The following ALG9 variants were observed in gnomAD, a reference collection of about 807,000 sequenced individuals.
The protein encoded by ALG9 is alpha-1,2-mannosyltransferase ALG9.
A neutral mutation model predicts 81.8 loss-of-function variants in ALG9; 55 were observed. The ratio of observed to expected loss-of-function variants is 0.67; its 90% CI spans 0.54 to 0.84. ALG9 has a LOEUF of 0.84. Among genes scored for constraint, ALG9 ranks in the 40% least tolerant of loss-of-function variants. The pLI is 0.00. For missense variants in ALG9, 629 were observed against 745.0 expected (o/e 0.84, Z 1.81); for synonymous variants, 278 against 274.3 (o/e 1.01, Z -0.13).
At chr11:111,828,500 C>T (rs10891294) in intron 13 of ALG9, among the ~76,000 whole-genome samples, 40,468 of 152,038 alleles carry the variant, frequency 0.27, 5,606 homozygotes, top group Admixed American at 0.34. Context: ...AATTGGTAAA[C>T]CACATCTATT....
chr11:111,847,361 G>A (rs1555131391), intron 8 of ALG9, among the ~76,000 whole-genome samples: 1 of 152,236 alleles, frequency 6.6e-6, no homozygotes, highest in Non-Finnish European at 1.5e-5. Flanking sequence ...TCCATCCAGT[G>A]ATCAGACAGA....
the ALG9 span, chr11:111,768,842 C>CGCGCGTGTGTGTGTGTGTGTGT: frequency 1.0e-4 from 15 of 143,094 alleles, no homozygotes; most frequent in African/African-American, 4.0e-4. Flanking sequence ...TGTGTGTGTG[C>CGCGCGTGTGTGTGTGTGTGTGT]GTGTGTGTGT....
Position 111,783,964 on chromosome 11 carries a change from G to C in ALG9, c.*2433C>G, listed in dbSNP as rs1946208060. ...ACAAGATGACAAAACAGATAAAACA[G>C]CATTATACTACTTTGATTAGAAAAA... is the stretch of plus-strand genomic sequence containing the variant. On this transcript the variant is annotated 3_prime_UTR_variant, in exon 15 of 15. Coordinates refer to ENST00000616540, the MANE Select transcript of ALG9 (RefSeq NM_024740.2). 1 of 150,016 alleles carries C rather than the reference G, an allele frequency of 6.7e-6. No homozygotes were observed. The highest frequency in any genetic ancestry group is 2.4e-5 in the African/African-American group (1 of 40,900). 9.3% of individuals were successfully genotyped at this position (150,016 alleles called of 1,614,324 possible).
chr11:111,811,943 T>C (rs549245887), intron 13 of ALG9, among the ~76,000 whole-genome samples: 1 of 152,312 alleles, frequency 6.6e-6, no homozygotes, highest in East Asian at 1.9e-4. Flanking sequence ...ATTATAAATG[T>C]ACTAAAAGCC....
At chr11:111,862,893 T>C (rs1377694444) in intron 4 of ALG9, among the ~76,000 whole-genome samples, 2 of 152,166 alleles carry the variant, frequency 1.3e-5, no homozygotes, top group African/African-American at 4.8e-5. Flanking sequence ...TTCTGTTGAC[T>C]GTTATTTCTG....
At chr11:111,842,487 C>T (rs1555124889) in intron 9 of ALG9, among the ~76,000 whole-genome samples, 1 of 151,950 alleles carries the variant, frequency 6.6e-6, no homozygotes, top group African/African-American at 2.4e-5. Context: ...AGTGGCACAA[C>T]CATGGCTCAC....
chr11:111,791,491 C>A (rs1421512657), intron 14 of ALG9, among the ~76,000 whole-genome samples: 2 of 152,210 alleles, frequency 1.3e-5, no homozygotes, highest in Non-Finnish European at 2.9e-5. Context: ...AATCTACAGG[C>A]ATCTCAGGTT....
chr11:111,870,101 TG>T (rs1963813686), intron 2 of ALG9, 130 bp downstream of exon 2: 2 of 1,137,836 alleles, frequency 1.8e-6, no homozygotes, highest in Non-Finnish European at 2.4e-6. Context: ...CCTGTTTTTT[TG>T]TTTTTTTTTT....
chr11:111,840,233 A>C (rs1011921730), intron 10 of ALG9, among the ~76,000 whole-genome samples: 2 of 152,212 alleles, frequency 1.3e-5, no homozygotes, highest in Non-Finnish European at 2.9e-5. Context: ...CAGAGTTAAG[A>C]TGAGCTCTGC....
At chr11:111,808,072 A>C (rs997607992) in intron 14 of ALG9, among the ~76,000 whole-genome samples, 2 of 152,186 alleles carry the variant, frequency 1.3e-5, no homozygotes, top group Non-Finnish European at 2.9e-5. Flanking sequence ...ATCTCAAAAA[A>C]AATTTTTGTT....
intron 5 of ALG9, among the ~76,000 whole-genome samples, chr11:111,860,217 T>C (rs1452243794): frequency 6.6e-6 from 1 of 152,202 alleles, no homozygotes; most frequent in Admixed American, 6.5e-5. Context: ...AAGAATGGAA[T>C]AGAAAACATC....
At chr11:111,772,205 C>A in the ALG9 span, among the ~76,000 whole-genome samples, 1 of 152,168 alleles carries the variant, frequency 6.6e-6, no homozygotes, top group Admixed American at 6.5e-5. Context: ...GTGGGCAGAT[C>A]TCTGGAGCTC....
chr11:111,838,430 T>C (rs1373546570), intron 10 of ALG9, 31 bp from the exon 11 acceptor site: 5 of 1,565,236 alleles, frequency 3.2e-6, no homozygotes, highest in East Asian at 4.6e-5. Flanking sequence ...TTGTAGAATA[T>C]ACATAATTAC....
chr11:111,818,465 C>T (rs1951846130), intron 13 of ALG9, among the ~76,000 whole-genome samples: 2 of 152,134 alleles, frequency 1.3e-5, no homozygotes, highest in African/African-American at 4.8e-5. Flanking sequence ...GAAAGAAGAC[C>T]AATATGACTA....
chr11:111,788,428 A>G (rs1463444465), intron 14 of ALG9: 2 of 454,056 alleles, frequency 4.4e-6, no homozygotes, highest in Admixed American at 2.4e-5. Flanking sequence ...GAACAGGAAG[A>G]GGAAGCACCT....
intron 13 of ALG9, among the ~76,000 whole-genome samples, chr11:111,813,051 ACTGTCTTTTCACCAGCT>A (rs1555093164): frequency 2.5e-5 from 3 of 119,724 alleles, no homozygotes; most frequent in Non-Finnish European, 5.1e-5. Context: ...CAAAGAAGCG[ACTGTCTTTTCACCAGCT>A]GGTGTAGACA....
intron 14 of ALG9, among the ~76,000 whole-genome samples, chr11:111,794,905 T>C (rs1453721056): frequency 6.6e-6 from 1 of 152,270 alleles, no homozygotes; most frequent in Non-Finnish European, 1.5e-5. Flanking sequence ...GACTTAGTGA[T>C]AGTCAACCTA....
rs940984368 is a variant in ALG9 at position 111,853,300 on chromosome 11, G to A, written c.895+80C>T. On this transcript the variant is annotated intron_variant, in intron 8 of 14. Transcript: ENST00000616540. The stretch of plus-strand genomic sequence containing the variant: ...CAAGAAATGCTACATCTAATAATAC[G>A]AGGCAACTGAATTAAAATGCTGAAG... The A allele has an allele frequency of 3.0e-5, 28 of 924,936 alleles. 1 individual carries two copies. In the Middle Eastern group the frequency reaches 6.7e-4, roughly 22 times the overall value. The allele number at this position is 924,936 out of a possible 1,614,324, so 57.3% of individuals were successfully genotyped here. A position where few individuals can be genotyped will look rare whatever the true frequency, so the allele number is the denominator to read the frequency against.
At chr11:111,799,991 C>T (rs1466059121) in intron 14 of ALG9, among the ~76,000 whole-genome samples, 1 of 152,180 alleles carries the variant, frequency 6.6e-6, no homozygotes, top group Non-Finnish European at 1.5e-5. Flanking sequence ...GCACCCCCTC[C>T]TTCTGGAAGC....
Sources: allele counts gnomAD v4.1 joint callset (sites outside exome capture counted in the v4.1 genomes callset), GRCh38; gene constraint gnomAD v4.1.1; transcripts MANE v1.5; gene names NCBI Gene and HGNC (gene_info 2026-07-23, HGNC 2026-07-21).